PDE8A: variants seen among roughly 807,000 people sequenced by gnomAD.
The protein encoded by PDE8A is high affinity cAMP-specific and IBMX-insensitive 3',5'-cyclic phosphodiesterase 8A.
Under a neutral mutation model 105.0 loss-of-function variants are expected in PDE8A, and 59 were observed. The ratio of observed to expected loss-of-function variants is 0.56; its 90% confidence interval spans 0.46 to 0.70. The LOEUF (loss-of-function observed/expected upper bound fraction) is 0.70. PDE8A is among the 30% of genes least tolerant of loss of function. The pLI, the probability that PDE8A is intolerant of heterozygous loss-of-function variation, is 0.00. For synonymous variants in PDE8A, 355 were observed against 371.9 expected, an observed-to-expected ratio of 0.95 and a Z score of 0.52; for missense variants, 1,014 against 1,045.9, an observed-to-expected ratio of 0.97 and a Z score of 0.42.
At chr15:85,061,963 C>A (rs977248603) in intron 1 of PDE8A, among the ~76,000 whole-genome samples, 3 of 152,024 alleles carry the variant, frequency 2.0e-5, no homozygotes, top group African/African-American at 7.2e-5. Context: ...TAGTTTTTTT[C>A]ATCTCTTTAC....
At chr15:85,137,418 G>A (rs1398354152) in intron 21 of PDE8A, among the ~76,000 whole-genome samples, 25 of 151,570 alleles carry the variant, frequency 1.6e-4, no homozygotes, top group Non-Finnish European at 5.9e-5. Context: ...TGAAGCATGC[G>A]TGAAGGGACA....
rs956891634 is a variant in PDE8A, at chr15:85,138,020, A to G, written c.*117A>G. ...AGGCAGAACAGCCCCCGATCTGCAT[A>G]GCCTGTGAAAGCCCACGGGGACATC... On this transcript the variant is annotated 3_prime_UTR_variant, in exon 22 of 22. Coordinates refer to ENST00000394553, the MANE Select transcript of PDE8A (RefSeq NM_002605.3). The G allele has an allele frequency of 5.3e-5, 33 of 625,756 alleles. No homozygotes were observed. The African/African-American group carries it at 5.9e-4, about 11-fold the overall frequency. The allele number at this position is 625,756 out of a possible 1,614,324, so 38.8% of individuals were successfully genotyped here.
intron 1 of PDE8A, among the ~76,000 whole-genome samples, chr15:85,019,258 T>C (rs1596448117): frequency 6.6e-6 from 1 of 152,184 alleles, no homozygotes; most frequent in East Asian, 1.9e-4. Context: ...GGAATTGTGG[T>C]TGAGTAGAAA....
intron 1 of PDE8A, among the ~76,000 whole-genome samples, chr15:85,030,178 T>A (rs2080589844): frequency 6.6e-6 from 1 of 152,054 alleles, no homozygotes; most frequent in African/African-American, 2.4e-5. Context: ...CCACAACCAT[T>A]TTATTTCTCT....
chr15:85,107,992 A>T (rs1396171984), intron 11 of PDE8A, among the ~76,000 whole-genome samples: 5 of 152,118 alleles, frequency 3.3e-5, no homozygotes, highest in African/African-American at 1.2e-4. Context: ...AAACCAGGAG[A>T]GTGTGGACTC....
chr15:84,990,391 C>G (rs188103562), intron 1 of PDE8A, among the ~76,000 whole-genome samples: 8 of 152,258 alleles, frequency 5.3e-5, no homozygotes, highest in African/African-American at 1.9e-4. Flanking sequence ...CCTTTCCATT[C>G]TTACCCCCAG....
chr15:85,139,094 GGTT>G lies in PDE8A; in HGVS notation c.*1192_*1194del. On this transcript the variant is annotated 3_prime_UTR_variant, in exon 22 of 22. Coordinates refer to ENST00000394553, the MANE Select transcript of PDE8A (RefSeq NM_002605.3). ...CATTTCATTTTAAACTCGTATTTGT[GGTT>G]TTTTTCCCAGATAAAAATGAAATTA... The G allele has an allele frequency of 6.6e-6, 1 of 150,906 alleles. No individual in the cohort carries two copies. The highest frequency in any genetic ancestry group is 2.4e-5 in the African/African-American group (1 of 41,098). 9.3% of individuals were successfully genotyped at this position (150,906 alleles called of 1,614,324 possible).
chr15:85,120,483 G>T (rs377619874), intron 17 of PDE8A: 51 of 202,766 alleles, frequency 2.5e-4, no homozygotes, highest in Non-Finnish European at 4.2e-4. Context: ...GTTTATGCTG[G>T]TCTAAGTCAA....
At chr15:85,014,243 C>T (rs2080287296) in intron 1 of PDE8A, among the ~76,000 whole-genome samples, 1 of 152,004 alleles carries the variant, frequency 6.6e-6, no homozygotes, top group Non-Finnish European at 1.5e-5. Flanking sequence ...AACTCCTGGG[C>T]TAAAGCTATT....
intron 1 of PDE8A, among the ~76,000 whole-genome samples, chr15:85,019,515 C>T (rs927090150): frequency 6.6e-5 from 10 of 152,046 alleles, no homozygotes; most frequent in African/African-American, 2.2e-4. Flanking sequence ...CAGCCCCTAC[C>T]GAATAGCTGG....
intron 20 of PDE8A, among the ~76,000 whole-genome samples, chr15:85,127,192 T>C (rs2082270551): frequency 6.6e-6 from 1 of 152,186 alleles, no homozygotes; most frequent in African/African-American, 2.4e-5. Flanking sequence ...AGTGAGACCC[T>C]GTCTCAAAGA....
intron 20 of PDE8A, among the ~76,000 whole-genome samples, chr15:85,131,388 A>T (rs942410802): frequency 6.6e-6 from 1 of 152,028 alleles, no homozygotes; most frequent in Non-Finnish European, 1.5e-5. Flanking sequence ...TGCTTATTTG[A>T]TATTTTGTAA....
At chr15:85,040,855 G>A (rs1415928401) in intron 1 of PDE8A, among the ~76,000 whole-genome samples, 1 of 152,040 alleles carries the variant, frequency 6.6e-6, no homozygotes, top group Non-Finnish European at 1.5e-5. Context: ...CACCACACCC[G>A]GCCTTGCTTA....
At chr15:85,118,454 A>G (rs2082130282) in intron 17 of PDE8A, among the ~76,000 whole-genome samples, 1 of 152,150 alleles carries the variant, frequency 6.6e-6, no homozygotes, top group South Asian at 2.1e-4. Flanking sequence ...ATCCTTTCGC[A>G]TCTGGGCAGT....
At chr15:84,982,492 T>A in intron 1 of PDE8A, 144 bp downstream of exon 1, 1 of 470,762 alleles carries the variant, frequency 2.1e-6, no homozygotes, top group Non-Finnish European at 3.4e-6. Context: ...TTGACGCCAG[T>A]CTCCCGCCTT....
At chr15:85,092,983 G>A (rs1297636943) in intron 8 of PDE8A, among the ~76,000 whole-genome samples, 1 of 149,870 alleles carries the variant, frequency 6.7e-6, no homozygotes, top group East Asian at 2.0e-4. Flanking sequence ...ATGCAGAGGT[G>A]CAACAGCCTT....
At chr15:85,076,574 A>G (rs1309152837) in intron 4 of PDE8A, among the ~76,000 whole-genome samples, 159 bp from the exon 5 acceptor site, 1 of 152,202 alleles carries the variant, frequency 6.6e-6, no homozygotes, top group Non-Finnish European at 1.5e-5. Context: ...ATTGAAACAG[A>G]AAACAGTTTT....
chr15:84,993,552 TCCATGTAGATTG>T (rs2142158752), intron 1 of PDE8A, among the ~76,000 whole-genome samples: 1 of 150,428 alleles, frequency 6.6e-6, no homozygotes, highest in African/African-American at 2.4e-5. Context: ...TTTCCTTCCA[TCCATGTAGATTG>T]CTTTAAATAA....
intron 17 of PDE8A, 34 bp downstream of exon 17, chr15:85,117,873 C>T (rs1195999320): frequency 6.6e-7 from 1 of 1,522,146 alleles, no homozygotes; most frequent in South Asian, 1.1e-5. Context: ...ATTTAATGGG[C>T]AGGAGCAGTG....
Sources: gnomAD v4.1 joint callset for allele counts (sites outside exome capture counted in the v4.1 genomes callset) on GRCh38, gnomAD v4.1.1 for gene constraint, MANE v1.5 for transcripts, NCBI Gene and HGNC (gene_info 2026-07-23, HGNC 2026-07-21) for gene names.